TRIM62: variants seen among roughly 807,000 people sequenced by gnomAD.
TRIM62 encodes the protein tripartite motif containing 62, also known as E3 ubiquitin-protein ligase TRIM62.
Under a neutral mutation model 44.2 loss-of-function variants are expected in TRIM62, and 39 were observed. That is an observed-to-expected ratio of 0.88 (90% confidence interval 0.68 to 1.15). TRIM62 has a LOEUF of 1.15. TRIM62 is among the 50% of genes most tolerant of loss of function. The pLI, the probability that TRIM62 is intolerant of heterozygous loss-of-function variation, is 0.00. For synonymous variants in TRIM62, 278 were observed against 292.3 expected (o/e 0.95, Z 0.50); for missense variants, 544 against 665.5 (o/e 0.82, Z 2.01).
rs1645457725 is a variant in TRIM62 at position 33,181,021 on chromosome 1, G to T, written c.408+4C>A. Reference sequence around the variant, plus strand: ...CCCTTCCCCAGGCAGGCCGGGTAGCGCACCTGCAGCTCGTCGAAGGCGTCG... The same window carrying T: ...CCCTTCCCCAGGCAGGCCGGGTAGCTCACCTGCAGCTCGTCGAAGGCGTCG... On this transcript the variant is annotated splice_donor_region_variant and intron_variant, in intron 1 of 4. Transcript: ENST00000291416. This position sits in a 1 kb window ranked among gnomAD's most constrained non-coding sequence, Gnocchi z 6.5. 1.3e-6 allele frequency: 2 copies of T among 1,576,484 alleles called. No homozygotes were observed. Among genetic ancestry groups the T allele is most frequent in the East Asian group, 2.3e-5 (1 of 42,956 alleles).
chr1:33,177,085 GCACAAATGCA>G lies in TRIM62; in HGVS notation c.408+3930_408+3939del, dbSNP rs1232555196. Among the ~76,000 whole-genome samples the G allele has an allele frequency of 3.7e-4, 55 of 147,854 alleles. No homozygotes were observed. Among genetic ancestry groups the G allele is most frequent in the African/African-American group, 4.5e-4 (18 of 40,014 alleles). ...CACACATGCACACACACACATGCAT[GCACAAATGCA>G]CACACATGCACACACACATGCATGT... On this transcript the variant is annotated intron_variant, in intron 1 of 4. Transcript: ENST00000291416. This position sits in a 1 kb window ranked among gnomAD's most constrained non-coding sequence, Gnocchi z 4.1.
chr1:33,147,822 G>A lies in TRIM62; in HGVS notation c.878-95C>T, dbSNP rs1051442667. Reference sequence around the variant, plus strand: ...CTGAGGGCAGAGTTCTGGTTGGTACGCAGGAGGCCTCTGACCTGCTGTGTG... The same window carrying A: ...CTGAGGGCAGAGTTCTGGTTGGTACACAGGAGGCCTCTGACCTGCTGTGTG... On this transcript the variant is annotated intron_variant, in intron 4 of 4. Transcript: ENST00000291416. The surrounding 1 kb of genome is among the most constrained non-coding windows in gnomAD (Gnocchi z 8.1). The A allele has an allele frequency of 4.3e-6, 6 of 1,404,746 alleles. No individual in the cohort carries two copies. Among genetic ancestry groups the A allele is most frequent in the East Asian group, 2.3e-5 (1 of 43,120 alleles). 87.0% of individuals were successfully genotyped at this position (1,404,746 alleles called of 1,614,324 possible). A position where few individuals can be genotyped will look rare whatever the true frequency, so the allele number is the denominator to read the frequency against.
At chr1:33,156,142 A>G (rs674700) in intron 4 of TRIM62, among the ~76,000 whole-genome samples, 150,815 of 152,332 alleles carry the variant, frequency 0.99, 74,675 homozygotes, top group Middle Eastern at 1. Context: ...TGCAGTCAAG[A>G]CTGTCACTCC....
chr1:33,178,006 G>T (rs1414249294), intron 1 of TRIM62, among the ~76,000 whole-genome samples: 1 of 152,146 alleles, frequency 6.6e-6, no homozygotes, highest in African/African-American at 2.4e-5. Context: ...ACAAAGCAGG[G>T]CTCTTAATTT....
chr1:33,158,340 G>A lies in TRIM62; in HGVS notation c.790C>T (p.Leu264Phe). The change falls in exon 4 of 5, where the codon CTC becomes TTC. Residue 264 changes from leucine (L) to phenylalanine (F), a missense_variant. Leu to Phe is a conservative substitution (Grantham distance 22, BLOSUM62 0). Coordinates refer to ENST00000291416, the MANE Select transcript of TRIM62 (RefSeq NM_018207.3). Reference protein sequence around the residue: ...RLKGKIHETNLTYEDFPTSKY... With the variant: ...RLKGKIHETNFTYEDFPTSKY... ...GAGGTCGGGAAGTCTTCATATGTGA[G>A]GTTGGTCTCATGGATTTTTCCCTTG... 1 of 1,613,918 alleles carries A rather than the reference G, an allele frequency of 6.2e-7. No individual in the cohort carries two copies. The highest frequency in any genetic ancestry group is 1.1e-5 in the South Asian group (1 of 91,078).
At chr1:33,173,395 A>G (rs896242833) in intron 1 of TRIM62, among the ~76,000 whole-genome samples, 3 of 151,992 alleles carry the variant, frequency 2.0e-5, no homozygotes, top group African/African-American at 7.3e-5. Context: ...GGGTGCGTGC[A>G]TGTGTGTGTG....
chr1:33,169,477 C>T (rs1645356139), intron 1 of TRIM62, among the ~76,000 whole-genome samples: 1 of 152,204 alleles, frequency 6.6e-6, no homozygotes, highest in Non-Finnish European at 1.5e-5. Flanking sequence ...TCCAAGTGCC[C>T]TGCACAGCAG....
At chr1:33,158,931 C>T (rs970686477) in intron 3 of TRIM62, among the ~76,000 whole-genome samples, 7 of 151,990 alleles carry the variant, frequency 4.6e-5, no homozygotes, top group Admixed American at 3.3e-4. Flanking sequence ...ACCTCTGCCT[C>T]CTGGGTTCAA....
Position 33,177,921 on chromosome 1 carries a change from A to C in TRIM62, c.408+3104T>G, listed in dbSNP as rs1033790584. 5.9e-5 allele frequency among the ~76,000 whole-genome samples: 9 copies of C among 152,358 alleles called. No individual in the cohort carries two copies. The highest frequency in any genetic ancestry group is 4.4e-5 in the Non-Finnish European group (3 of 68,038). ...CTTCCATGCTGTCCATGAAGGACCC[A>C]AGGCTCAGAGATGGTAAATAATCTT... is the stretch of plus-strand genomic sequence containing the variant. On this transcript the variant is annotated intron_variant, in intron 1 of 4. Transcript: ENST00000291416. This position sits in a 1 kb window ranked among gnomAD's most constrained non-coding sequence, Gnocchi z 4.1.
At chr1:33,170,321 TA>T (rs10717584) in intron 1 of TRIM62, among the ~76,000 whole-genome samples, 143,998 of 146,788 alleles carry the variant, frequency 0.98, 70,645 homozygotes, top group South Asian at 1. Flanking sequence ...CCAGTCTCTT[TA>T]AAAAAAAAAA....
chr1:33,173,380 T>C (rs1645389262), intron 1 of TRIM62, among the ~76,000 whole-genome samples: 1 of 152,192 alleles, frequency 6.6e-6, no homozygotes, highest in African/African-American at 2.4e-5. Flanking sequence ...AGGATCAAGC[T>C]CAATGGGTGC....
intron 4 of TRIM62, among the ~76,000 whole-genome samples, chr1:33,157,658 T>C (rs1395746561): frequency 6.6e-6 from 1 of 152,234 alleles, no homozygotes; most frequent in Non-Finnish European, 1.5e-5. Flanking sequence ...TGAACTCTTA[T>C]GTACCCTGTT....
chr1:33,158,386 A>G lies in TRIM62; in HGVS notation c.762-18T>C, dbSNP rs2124728161. The G allele has an allele frequency of 1.2e-6, 2 of 1,608,544 alleles. No individual in the cohort carries two copies. The highest frequency in any genetic ancestry group is 1.7e-6 in the Non-Finnish European group (2 of 1,175,374). On this transcript the variant is annotated intron_variant, in intron 3 of 4. Coordinates refer to ENST00000291416, the MANE Select transcript of TRIM62 (RefSeq NM_018207.3). ...CCTTGAGCCTGGAAGGAGAGCAGGAAAGGGGGCTGCACCAGGGACTGGATT... is the reference window on the plus strand; with the variant it reads ...CCTTGAGCCTGGAAGGAGAGCAGGAGAGGGGGCTGCACCAGGGACTGGATT...
At chr1:33,171,763 T>A (rs564453281) in intron 1 of TRIM62, among the ~76,000 whole-genome samples, 1 of 152,164 alleles carries the variant, frequency 6.6e-6, no homozygotes, top group Non-Finnish European at 1.5e-5. Context: ...TTTCCAAATC[T>A]GTAAAGTAAG....
At chr1:33,160,724 A>C (rs987241198) in intron 2 of TRIM62, among the ~76,000 whole-genome samples, 10 of 152,190 alleles carry the variant, frequency 6.6e-5, no homozygotes, top group Non-Finnish European at 1.5e-4. Flanking sequence ...ATTTTAAAAA[A>C]ATCATTCATG....
In TRIM62 at chr1:33,159,871, T is replaced by G; in HGVS notation, c.578A>C (p.Gln193Pro). 6.2e-7 allele frequency: 1 copy of G among 1,612,706 alleles called. No homozygotes were observed. Among genetic ancestry groups the G allele is most frequent in the East Asian group, 2.2e-5 (1 of 44,876 alleles). Residue 193 changes from glutamine (Q) to proline (P), a missense_variant, in exon 3 of 5, where the codon CAG (glutamine) becomes CCG (proline). Physicochemically the swap from Gln to Pro is moderately conservative, Grantham distance 76. Transcript: ENST00000291416. This position sits in a 1 kb window ranked among gnomAD's most constrained non-coding sequence, Gnocchi z 4.2. ...CTCCAGCTCCTCTAGCATGGCCTTC[T>G]GGCGTTCACGCAGCAGCCGGTGCAG... is the stretch of plus-strand genomic sequence containing the variant. ...ERLHRLLRER[Q>P]KAMLEELEAD...
Position 33,167,249 on chromosome 1 carries a change from C to T in TRIM62, c.409-1683G>A, listed in dbSNP as rs1297724892. On this transcript the variant is annotated intron_variant, in intron 1 of 4. Coordinates refer to ENST00000291416, the MANE Select transcript of TRIM62 (RefSeq NM_018207.3). This position sits in a 1 kb window ranked among gnomAD's most constrained non-coding sequence, Gnocchi z 4.2. ...ACATCTGGATTCACGGTCTTCCTTG[C>T]GCCTTCTGCTGTCTGAATATATTTG... is the stretch of plus-strand genomic sequence containing the variant. 5.9e-5 allele frequency among the ~76,000 whole-genome samples: 9 copies of T among 152,346 alleles called. No homozygotes were observed. In the South Asian group the frequency reaches 1.2e-3, roughly 21 times the overall value.
intron 3 of TRIM62, 70 bp from the exon 4 acceptor site, chr1:33,158,438 G>T: frequency 6.3e-6 from 8 of 1,270,908 alleles, no homozygotes; most frequent in Non-Finnish European, 9.2e-6. Flanking sequence ...GGGCCCCGCA[G>T]CCACCTTCAG....
In TRIM62 at chr1:33,181,206, C is replaced by T. The variant is rs1645460846; in HGVS notation, c.227G>A (p.Ser76Asn). 5 of 1,583,372 alleles carry T rather than the reference C, an allele frequency of 3.2e-6. No individual in the cohort carries two copies. The highest frequency in any genetic ancestry group is 4.3e-6 in the Non-Finnish European group (5 of 1,170,424). Residue 76 changes from serine to asparagine, a missense_variant, in exon 1 of 5, where the codon AGC (serine) becomes AAC (asparagine). Transcript: ENST00000291416. The surrounding 1 kb of genome is among the most constrained non-coding windows in gnomAD (Gnocchi z 6.5). ...GAGGATGGCGTCCAGCGGGAAGGAG[C>T]TGTAGCGCTCCACGATGTTGGCCAG... Reference protein sequence around the residue: ...LKLANIVERYSSFPLDAILNA... With the variant: ...LKLANIVERYNSFPLDAILNA...
Sources: gnomAD v4.1 joint callset for allele counts (sites outside exome capture counted in the v4.1 genomes callset) on GRCh38, gnomAD v4.1.1 for gene constraint, Gnocchi (gnomAD v3.1) non-coding constraint, MANE v1.5 for transcripts, NCBI Gene and HGNC (gene_info 2026-07-23, HGNC 2026-07-21) for gene names.